Variants in DLEU7 observed in about 807,000 individuals in gnomAD.
DLEU7 encodes the protein deleted in lymphocytic leukemia 7.
In DLEU7, 17 loss-of-function variants were observed where a neutral mutation model predicts 16.0. That is an observed-to-expected ratio of 1.06 (90% CI 0.73 to 1.59). The LOEUF (loss-of-function observed/expected upper bound fraction) is 1.59, where lower values mean the gene tolerates loss of function less well. DLEU7 is among the 40% of genes most tolerant of loss of function. DLEU7 has a pLI of 0.00. For synonymous variants in DLEU7, 113 were observed against 139.8 expected (o/e 0.81, Z 1.35); for missense variants, 308 against 314.9 (o/e 0.98, Z 0.17).
At chr13:50,800,491 T>A (rs1241233739) in intron 1 of DLEU7, among the ~76,000 whole-genome samples, 1 of 152,136 alleles carries the variant, frequency 6.6e-6, no homozygotes, top group Non-Finnish European at 1.5e-5. Context: ...TTTAAGTTGC[T>A]AATTGCTACC....
At chr13:50,755,229 T>C (rs1874717915) in intron 1 of DLEU7, among the ~76,000 whole-genome samples, 2 of 152,234 alleles carry the variant, frequency 1.3e-5, no homozygotes, top group African/African-American at 4.8e-5. Flanking sequence ...TATTTGAATG[T>C]CTATGTCTCT....
chr13:50,800,414 T>C (rs955888045), intron 1 of DLEU7, among the ~76,000 whole-genome samples: 3 of 152,108 alleles, frequency 2.0e-5, no homozygotes, highest in Admixed American at 6.5e-5. Flanking sequence ...AAATACACTT[T>C]GTATATCTGA....
intron 1 of DLEU7, among the ~76,000 whole-genome samples, chr13:50,801,388 T>C (rs78513062): frequency 0.016 from 2,441 of 152,210 alleles, 35 homozygotes; most frequent in South Asian, 0.038. Context: ...CACGGAGCTG[T>C]TGTTCATACT....
At chr13:50,731,855 T>C (rs981166019) in intron 1 of DLEU7, among the ~76,000 whole-genome samples, 1 of 152,216 alleles carries the variant, frequency 6.6e-6, no homozygotes, top group Non-Finnish European at 1.5e-5. Context: ...AAAACATTTT[T>C]TGCCAATTTG....
At chr13:50,750,029 T>G (rs1478734629) in intron 1 of DLEU7, among the ~76,000 whole-genome samples, 2 of 152,066 alleles carry the variant, frequency 1.3e-5, no homozygotes, top group Admixed American at 1.3e-4. Flanking sequence ...TCTAAAAGGG[T>G]TTTTTCAGTG....
chr13:50,741,631 A>G (rs1329364985), intron 1 of DLEU7, among the ~76,000 whole-genome samples: 2 of 152,180 alleles, frequency 1.3e-5, no homozygotes, highest in Non-Finnish European at 2.9e-5. Context: ...CCAAGACCGT[A>G]TCTCATATTT....
chr13:50,822,534 G>A (rs139879033), downstream of DLEU7: 217 of 744,816 alleles, frequency 2.9e-4, no homozygotes, highest in African/African-American at 3.7e-3. Context: ...GGCTCTAAAC[G>A]GTTTGGGAAA....
At chr13:50,716,241 A>T (rs1873434792) in intron 1 of DLEU7, among the ~76,000 whole-genome samples, 1 of 152,196 alleles carries the variant, frequency 6.6e-6, no homozygotes, top group Non-Finnish European at 1.5e-5. Context: ...GTAGGTTCTG[A>T]TCACCAAGGG....
intron 1 of DLEU7, among the ~76,000 whole-genome samples, chr13:50,732,838 T>C (rs1341556592): frequency 2.0e-5 from 3 of 152,128 alleles, no homozygotes; most frequent in Non-Finnish European, 4.4e-5. Flanking sequence ...AAACACAGTA[T>C]GCATAGTAAC....
At chr13:50,786,333 T>C (rs1448438735) in intron 1 of DLEU7, among the ~76,000 whole-genome samples, 1 of 152,172 alleles carries the variant, frequency 6.6e-6, no homozygotes, top group Non-Finnish European at 1.5e-5. Flanking sequence ...TGCCCAGAAG[T>C]TTCCTTGCCT....
intron 1 of DLEU7, among the ~76,000 whole-genome samples, chr13:50,757,929 T>C (rs1221449704): frequency 6.6e-6 from 1 of 152,130 alleles, no homozygotes; most frequent in Non-Finnish European, 1.5e-5. Context: ...CCATCATATC[T>C]TCAGAACAAT....
intron 1 of DLEU7, among the ~76,000 whole-genome samples, chr13:50,783,799 C>G (rs1014414640): frequency 6.6e-6 from 1 of 152,140 alleles, no homozygotes; most frequent in Non-Finnish European, 1.5e-5. Flanking sequence ...GCAACAGACA[C>G]TTTTTTACAC....
intron 1 of DLEU7, among the ~76,000 whole-genome samples, chr13:50,838,179 G>C (rs977219382): frequency 1.3e-5 from 2 of 152,196 alleles, no homozygotes; most frequent in South Asian, 2.1e-4. Flanking sequence ...GCAGTTTTAT[G>C]ACTGCTGCTC....
chr13:50,792,918 G>A (rs73186323), intron 1 of DLEU7, among the ~76,000 whole-genome samples: 45 of 147,230 alleles, frequency 3.1e-4, no homozygotes, highest in South Asian at 8.5e-4. Flanking sequence ...GCACAGTTTC[G>A]TTACAAATTA....
intron 1 of DLEU7, among the ~76,000 whole-genome samples, chr13:50,741,981 A>T (rs988210866): frequency 6.6e-5 from 10 of 152,184 alleles, no homozygotes; most frequent in African/African-American, 2.4e-4. Context: ...TTTCTTCAGA[A>T]TTGGAAATGA....
rs548909953 is a variant in DLEU7 at position 50,722,373 on chromosome 13, C to G, written c.460-9133G>C. ...AGCCATAAACTTCTTCTCTATTACA[C>G]TATACCCTTTTCTAATCTGTATTTT... On this transcript the variant is annotated intron_variant, in intron 1 of 1. Coordinates refer to the DLEU7 transcript ENST00000400393. Among the ~76,000 whole-genome samples the G allele has an allele frequency of 9.8e-5, 15 of 152,324 alleles. No homozygotes were observed. The South Asian group carries it at 3.1e-3, about 32-fold the overall frequency.
intron 1 of DLEU7, among the ~76,000 whole-genome samples, chr13:50,762,454 T>C (rs1185903796): frequency 6.6e-6 from 1 of 152,124 alleles, no homozygotes; most frequent in Non-Finnish European, 1.5e-5. Flanking sequence ...CGGAACAGGG[T>C]AAAGCCCAGG....
In DLEU7 at chr13:50,803,271, A is replaced by G. The variant is rs981854170; in HGVS notation, c.459+39917T>C. On this transcript the variant is annotated intron_variant, in intron 1 of 1. Coordinates refer to the DLEU7 transcript ENST00000400393. ...CTCTCCCCTTCCTCATGGACTCAGC[A>G]TGTTATAGAATGTGTTGATCATTGT... 2.0e-5 allele frequency among the ~76,000 whole-genome samples: 3 copies of G among 152,262 alleles called. No homozygotes were observed. In the South Asian group the frequency reaches 6.2e-4, roughly 32 times the overall value.
chr13:50,759,254 C>G (rs1343110910), intron 1 of DLEU7, among the ~76,000 whole-genome samples: 1 of 152,150 alleles, frequency 6.6e-6, no homozygotes, highest in African/African-American at 2.4e-5. Flanking sequence ...GAAACAAACA[C>G]AAAAATATCT....
Sources: allele counts gnomAD v4.1 joint callset (sites outside exome capture counted in the v4.1 genomes callset), GRCh38; gene constraint gnomAD v4.1.1; transcripts MANE v1.5; gene names NCBI Gene and HGNC (gene_info 2026-07-23, HGNC 2026-07-21).